SLC6A18: variants seen among roughly 807,000 people sequenced by gnomAD.
SLC6A18 encodes the protein solute carrier family 6 member 18.
Under a neutral mutation model 62.9 loss-of-function variants are expected in SLC6A18, and 58 were observed. That is an observed-to-expected ratio of 0.92 (90% CI 0.75 to 1.15). The LOEUF (loss-of-function observed/expected upper bound fraction) is 1.15. SLC6A18 is among the 50% of genes most tolerant of loss of function. The pLI is 0.00. For synonymous variants in SLC6A18, 382 were observed against 365.8 expected (o/e 1.04, Z -0.51); for missense variants, 793 against 836.6 (o/e 0.95, Z 0.64).
In SLC6A18 at chr5:1,225,583, G is replaced by C. The variant is rs574087177; in HGVS notation, c.106G>C (p.Val36Leu). Residue 36 changes from valine to leucine, a missense_variant, in exon 1 of 12, where the codon GTG becomes CTG. Physicochemically the swap from Val to Leu is conservative, Grantham distance 32. Coordinates refer to ENST00000324642, the MANE Select transcript of SLC6A18 (RefSeq NM_182632.3). ...CCTCCTGAGCTGCACTGGGTTTGCC[G>C]TGGGACTGGGGAACATTTGGCGGTT... ...QYLLSCTGFA[V>L]GLGNIWRFPY... The C allele has an allele frequency of 6.2e-7, 1 of 1,610,230 alleles. No homozygotes were observed. The highest frequency in any genetic ancestry group is 8.5e-7 in the Non-Finnish European group (1 of 1,177,862).
chr5:1,239,494 C>G lies in SLC6A18; in HGVS notation c.777C>G (p.Thr259=). 1 of 1,614,160 alleles carries G rather than the reference C, an allele frequency of 6.2e-7. No individual in the cohort carries two copies. The highest frequency in any genetic ancestry group is 1.1e-5 in the South Asian group (1 of 91,080). The change falls in exon 6 of 12, where the codon ACC becomes ACG. Residue 259 remains threonine (T), a synonymous_variant. Transcript: ENST00000324642. ...QNPRVWLDAA[T]QIFFSLSLAF... The stretch of plus-strand genomic sequence containing the variant: ...CCCGGGTGTGGCTGGACGCAGCCAC[C>G]CAGATATTCTTCTCTCTGTCCCTGG...
intron 3 of SLC6A18, among the ~76,000 whole-genome samples, chr5:1,234,521 C>T (rs996134972): frequency 2.0e-5 from 3 of 152,212 alleles, no homozygotes; most frequent in Admixed American, 6.5e-5. Context: ...CTTGTCCAAG[C>T]GTTTACTTTT....
intron 7 of SLC6A18, 145 bp from the exon 8 acceptor site, chr5:1,242,562 G>T (rs1473947048): frequency 9.3e-7 from 1 of 1,078,194 alleles, no homozygotes; most frequent in Non-Finnish European, 1.3e-6. Flanking sequence ...CCCAACAGGG[G>T]CAGGAGGGGC....
chr5:1,235,692 C>T, intron 4 of SLC6A18, 30 bp downstream of exon 4: 1 of 1,611,840 alleles, frequency 6.2e-7, no homozygotes, highest in South Asian at 1.1e-5. Flanking sequence ...GATCCCCTCT[C>T]TTGCTTCCTC....
At position 1,244,324 on chromosome 5, in the gene SLC6A18, T is replaced by C. The variant is rs1218810149; in HGVS notation, c.1447T>C (p.Leu483=). The change falls in exon 10 of 12, where the codon TTG becomes CTG. Residue 483 remains leucine (L), a synonymous_variant. Coordinates refer to ENST00000324642, the MANE Select transcript of SLC6A18 (RefSeq NM_182632.3). Reference sequence around the variant, plus strand: ...TGCCGCTTCCCCGAACCTGCTCATGTTGGCCTTTCTCGAGGTTGTGGGTGT... The same window carrying C: ...TGCCGCTTCCCCGAACCTGCTCATGCTGGCCTTTCTCGAGGTTGTGGGTGT... ...NFAASPNLLM[L]AFLEVVGVVY... The C allele has an allele frequency of 6.2e-7, 1 of 1,614,040 alleles. No individual in the cohort carries two copies. Among genetic ancestry groups the C allele is most frequent in the African/African-American group, 1.3e-5 (1 of 74,946 alleles).
rs1561179774 is a variant in SLC6A18 at position 1,240,618 on chromosome 5, G to A, written c.933G>A (p.Leu311=). The change falls in exon 7 of 12, where the codon CTG becomes CTA. Residue 311 remains leucine (L), a synonymous_variant. Coordinates refer to ENST00000324642, the MANE Select transcript of SLC6A18 (RefSeq NM_182632.3). ...LYASIAVFSV[L]GFKATNDYEH... ...CGTCCATCGCTGTCTTCTCTGTCCT[G>A]GGGTTCAAAGCAACTAATGACTACG... 1.4e-5 allele frequency: 22 copies of A among 1,614,012 alleles called. No homozygotes were observed. Among genetic ancestry groups the A allele is most frequent in the Non-Finnish European group, 1.9e-5 (22 of 1,180,034 alleles).
rs545957821 is a variant in SLC6A18 at position 1,233,874 on chromosome 5, T to C, written c.439+986T>C. On this transcript the variant is annotated intron_variant, in intron 3 of 11. Transcript: ENST00000324642. ...CTCCTGCCTCAGCCTCCCAAATAGC[T>C]AGGACTACAGGCGCCTGCCACCAGG... Among the ~76,000 whole-genome samples, 14 of 152,046 alleles carry C rather than the reference T, an allele frequency of 9.2e-5. No individual in the cohort carries two copies. In the South Asian group the frequency reaches 1.0e-3, roughly 11 times the overall value.
rs1315030058 is a variant in SLC6A18, at chr5:1,235,660, A to G, written c.619A>G (p.Lys207Glu). The G allele has an allele frequency of 6.2e-7, 1 of 1,613,730 alleles. No homozygotes were observed. The highest frequency in any genetic ancestry group is 1.7e-5 in the Admixed American group (1 of 60,004). Reference protein sequence around the residue: ...CVIRGIETTGKVIYFTALFPY... With the variant: ...CVIRGIETTGEVIYFTALFPY... ...CATCAGGGGCATTGAGACTACAGGG[A>G]AGGTGAGAGCTGGCAGGGCCTGATC... is the stretch of plus-strand genomic sequence containing the variant. The change falls in exon 4 of 12, where the codon AAG becomes GAG. Residue 207 changes from lysine to glutamate, a missense_variant and splice_region_variant. Transcript: ENST00000324642.
At chr5:1,230,649 T>C (rs1283475213) in intron 1 of SLC6A18, among the ~76,000 whole-genome samples, 1 of 152,146 alleles carries the variant, frequency 6.6e-6, no homozygotes, top group Non-Finnish European at 1.5e-5. Context: ...AGCAAGGCTG[T>C]GTTGATGACC....
In SLC6A18 at chr5:1,245,950, C is replaced by A; in HGVS notation, c.1759C>A (p.Leu587Ile). The part of the protein sequence containing the change: ...LPVLWVPVAA[L>I]AQLLTRRRRT... ...CGTGCTGTGGGTCCCGGTGGCCGCG[C>A]TTGCTCAGCTGCTCACCCGGCGGAG... Residue 587 changes from leucine (L) to isoleucine (I), a missense_variant, in exon 12 of 12, where the codon CTT (leucine) becomes ATT (isoleucine). Leu to Ile is a conservative substitution (Grantham distance 5). Transcript: ENST00000324642. 2 of 1,602,618 alleles carry A rather than the reference C, an allele frequency of 1.2e-6. No homozygotes were observed. Among genetic ancestry groups the A allele is most frequent in the South Asian group, 2.2e-5 (2 of 90,874 alleles).
At chr5:1,238,569 TCA>T (rs2126536973) in intron 5 of SLC6A18, among the ~76,000 whole-genome samples, 1 of 36,102 alleles carries the variant, frequency 2.8e-5, no homozygotes, top group African/African-American at 3.5e-4. Flanking sequence ...GCTTGGGGCC[TCA>T]GGAAAGAGGT....
chr5:1,241,593 A>G lies in SLC6A18; in HGVS notation c.974+934A>G, dbSNP rs114410279. On this transcript the variant is annotated intron_variant, in intron 7 of 11. Coordinates refer to ENST00000324642, the MANE Select transcript of SLC6A18 (RefSeq NM_182632.3). This position sits in a 1 kb window ranked among gnomAD's most constrained non-coding sequence, Gnocchi z 7.8. ...GACGTCACCAAGAAAACGCACACAA[A>G]AGTGGAAAACATGGCACTCACAGGC... 3.3e-5 allele frequency among the ~76,000 whole-genome samples: 5 copies of G among 152,232 alleles called. No homozygotes were observed. Among genetic ancestry groups the G allele is most frequent in the Non-Finnish European group, 7.4e-5 (5 of 67,994 alleles).
At chr5:1,236,773 C>A (rs1474688448) in intron 4 of SLC6A18, among the ~76,000 whole-genome samples, 1 of 152,116 alleles carries the variant, frequency 6.6e-6, no homozygotes, top group East Asian at 1.9e-4. Flanking sequence ...TGTGCAGTGT[C>A]TCAGGACGCC....
intron 5 of SLC6A18, 22 bp from the exon 6 acceptor site, chr5:1,239,428 C>A: frequency 1.3e-6 from 2 of 1,577,072 alleles, no homozygotes; most frequent in Non-Finnish European, 1.7e-6. Flanking sequence ...CTGAGTGAGA[C>A]GCTCTCCCTG....
rs779752482 is a variant in SLC6A18 at position 1,245,947 on chromosome 5, G to A, written c.1756G>A (p.Ala586Thr). Reference sequence around the variant, plus strand: ...GCCCGTGCTGTGGGTCCCGGTGGCCGCGCTTGCTCAGCTGCTCACCCGGCG... The same window carrying A: ...GCCCGTGCTGTGGGTCCCGGTGGCCACGCTTGCTCAGCTGCTCACCCGGCG... ...LLPVLWVPVA[A>T]LAQLLTRRRR... Residue 586 changes from alanine (A) to threonine (T), a missense_variant, in exon 12 of 12, where the codon GCG becomes ACG. Ala to Thr is a moderately conservative substitution (Grantham distance 58). Coordinates refer to ENST00000324642, the MANE Select transcript of SLC6A18 (RefSeq NM_182632.3). The A allele has an allele frequency of 3.1e-6, 5 of 1,602,772 alleles. No individual in the cohort carries two copies. The African/African-American group carries it at 4.0e-5, about 13-fold the overall frequency.
intron 1 of SLC6A18, among the ~76,000 whole-genome samples, chr5:1,229,996 ATGGTG>A (rs1561174599): frequency 3.4e-4 from 23 of 67,988 alleles, no homozygotes; most frequent in Non-Finnish European, 6.3e-4. Context: ...AAGGGCTATC[ATGGTG>A]CAGGCTGGAG....
Position 1,243,508 on chromosome 5 carries a change from G to A in SLC6A18, c.1132-47G>A. The stretch of plus-strand genomic sequence containing the variant: ...TGCAGGCAGGCGTGTGTGTGTGGTG[G>A]AGTGTGTGTGTGCGTGGCCTGAAGC... On this transcript the variant is annotated intron_variant, in intron 8 of 11. Transcript: ENST00000324642. This position sits in a 1 kb window ranked among gnomAD's most constrained non-coding sequence, Gnocchi z 6.5. 2 of 1,588,902 alleles carry A rather than the reference G, an allele frequency of 1.3e-6. No individual in the cohort carries two copies. The highest frequency in any genetic ancestry group is 1.3e-5 in the African/African-American group (1 of 74,654).
intron 3 of SLC6A18, 112 bp downstream of exon 3, chr5:1,233,000 A>T: frequency 6.9e-7 from 1 of 1,440,324 alleles, no homozygotes; most frequent in Non-Finnish European, 9.3e-7. Context: ...CCGCGGGGGG[A>T]GGGCCGGGGA....
In SLC6A18 at chr5:1,243,600, G is replaced by A. The variant is rs371771771; in HGVS notation, c.1177G>A (p.Asp393Asn). 94 of 1,613,870 alleles carry A rather than the reference G, an allele frequency of 5.8e-5. No homozygotes were observed. Among genetic ancestry groups the A allele is most frequent in the African/African-American group, 2.9e-4 (22 of 74,936 alleles). The change falls in exon 9 of 12, where the codon GAC becomes AAC. Residue 393 changes from aspartate to asparagine, a missense_variant. By Grantham distance (23) the Asp-to-Asn change is conservative. Coordinates refer to ENST00000324642, the MANE Select transcript of SLC6A18 (RefSeq NM_182632.3). The surrounding 1 kb of genome is among the most constrained non-coding windows in gnomAD (Gnocchi z 6.5). ...GGCCTTCGTCGTCTTCACGGAGACC[G>A]ACCTCCACATGCCGGGGGCTCCTGT... ...GLAFVVFTET[D>N]LHMPGAPVWA...
Sources: gnomAD v4.1 joint callset for allele counts (sites outside exome capture counted in the v4.1 genomes callset) on GRCh38, gnomAD v4.1.1 for gene constraint, Gnocchi (gnomAD v3.1) non-coding constraint, MANE v1.5 for transcripts, NCBI Gene and HGNC (gene_info 2026-07-23, HGNC 2026-07-21) for gene names.